Variants in SUSD1 observed in about 807,000 individuals in gnomAD.
SUSD1 encodes sushi domain containing 1.
In SUSD1, 65 loss-of-function variants were observed where a neutral mutation model predicts 86.9. The observed-to-expected ratio is 0.75, with a 90% CI of 0.61 to 0.92. SUSD1 has a LOEUF of 0.92. Among genes scored for constraint, SUSD1 ranks in the 40% least tolerant of loss-of-function variants. The probability of loss-of-function intolerance (pLI) is 0.00; values close to 1 mark genes in which losing one functional copy is unlikely to be tolerated. For missense variants in SUSD1, 850 were observed against 929.7 expected, an observed-to-expected ratio of 0.91 and a Z score of 1.11; for synonymous variants, 346 against 350.0, an observed-to-expected ratio of 0.99 and a Z score of 0.13.
intron 15 of SUSD1, chr9:112,052,184 A>G: frequency 6.7e-7 from 1 of 1,484,102 alleles, no homozygotes; most frequent in African/African-American, 1.4e-5. Context: ...CAGTTCCTGG[A>G]GCCTTCTTGG....
chr9:112,165,746 A>G (rs1263188686), intron 1 of SUSD1, among the ~76,000 whole-genome samples: 1 of 151,462 alleles, frequency 6.6e-6, no homozygotes, highest in Non-Finnish European at 1.5e-5. Flanking sequence ...TTAATGACCC[A>G]TTAAGAATCA....
At chr9:112,100,857 G>GACACAC (rs5899985) in intron 9 of SUSD1, among the ~76,000 whole-genome samples, 2,152 of 140,474 alleles carry the variant, frequency 0.015, 43 homozygotes, top group African/African-American at 0.044. Flanking sequence ...ATTGTACCTG[G>GACACAC]ACACACACAC....
intron 14 of SUSD1, 38 bp from the exon 15 acceptor site, chr9:112,052,476 GCA>G: frequency 6.2e-7 from 1 of 1,611,522 alleles, no homozygotes; most frequent in Non-Finnish European, 8.5e-7. Flanking sequence ...TAGCTAGGTG[GCA>G]CACAGTGTCA....
At chr9:112,080,817 A>G (rs1219295848) in intron 10 of SUSD1, among the ~76,000 whole-genome samples, 3 of 152,254 alleles carry the variant, frequency 2.0e-5, no homozygotes, top group African/African-American at 7.2e-5. Flanking sequence ...ATTTATACAA[A>G]TAAGTGTCGG....
At chr9:112,080,466 T>C (rs143749208) in intron 10 of SUSD1, among the ~76,000 whole-genome samples, 78 of 152,222 alleles carry the variant, frequency 5.1e-4, no homozygotes, top group African/African-American at 1.8e-3. Flanking sequence ...GGCAGGCAGA[T>C]CACTTGAGGC....
intron 10 of SUSD1, among the ~76,000 whole-genome samples, chr9:112,089,231 C>T (rs2131584707): frequency 6.6e-6 from 1 of 152,158 alleles, no homozygotes; most frequent in South Asian, 2.1e-4. Context: ...AAATGTAAAC[C>T]TTCCTTTAAA....
intron 2 of SUSD1, 31 bp from the exon 3 acceptor site, chr9:112,149,430 G>C (rs1377247314): frequency 1.2e-6 from 2 of 1,608,818 alleles, no homozygotes; most frequent in Admixed American, 3.4e-5. Flanking sequence ...CACCGGAAGA[G>C]CTATCAATCC....
intron 5 of SUSD1, among the ~76,000 whole-genome samples, chr9:112,139,568 C>T (rs186583504): frequency 6.6e-6 from 1 of 152,178 alleles, no homozygotes; most frequent in Non-Finnish European, 1.5e-5. Context: ...CCTCAGCCTC[C>T]CAAGTAGCTG....
At chr9:112,134,030 G>A (rs1394534885) in intron 5 of SUSD1, among the ~76,000 whole-genome samples, 1 of 152,048 alleles carries the variant, frequency 6.6e-6, no homozygotes, top group East Asian at 1.9e-4. Context: ...TCTCACACCA[G>A]TCAGAATGGC....
chr9:112,066,016 T>C (rs989538664), intron 12 of SUSD1, among the ~76,000 whole-genome samples: 3 of 152,210 alleles, frequency 2.0e-5, no homozygotes, highest in African/African-American at 7.2e-5. Context: ...CAATCATCTC[T>C]ATCTTATCAG....
Position 112,102,298 on chromosome 9 carries a change from A to G in SUSD1, c.1172-13T>C. 1 of 1,467,362 alleles carries G rather than the reference A, an allele frequency of 6.8e-7. No homozygotes were observed. The highest frequency in any genetic ancestry group is 1.2e-5 in the South Asian group (1 of 81,416). The allele number at this position is 1,467,362 out of a possible 1,614,324, so 90.9% of individuals were successfully genotyped here. Reference sequence around the variant, plus strand: ...AAGAGATCAACTTCTAAAAGACAAGAGAGAGAGTTATAGACAGCTTGCACC... The same window carrying G: ...AAGAGATCAACTTCTAAAAGACAAGGGAGAGAGTTATAGACAGCTTGCACC... On this transcript the variant is annotated splice_polypyrimidine_tract_variant and intron_variant, in intron 8 of 16. Coordinates refer to ENST00000374270, the MANE Select transcript of SUSD1 (RefSeq NM_022486.5).
intron 12 of SUSD1, among the ~76,000 whole-genome samples, chr9:112,077,952 C>T (rs1440748144): frequency 6.6e-6 from 1 of 152,146 alleles, no homozygotes; most frequent in Non-Finnish European, 1.5e-5. Flanking sequence ...GATGGACACA[C>T]TACCCACATT....
At position 112,143,490 on chromosome 9, in the gene SUSD1, G is replaced by T; in HGVS notation, c.507C>A (p.Thr169=). Residue 169 remains threonine (T), a synonymous_variant, in exon 4 of 17, where the codon ACC becomes ACA. Coordinates refer to ENST00000374270, the MANE Select transcript of SUSD1 (RefSeq NM_022486.5). ...RNGPEPFHPT[T]DATSCTEIDC... is the part of the protein sequence containing the mutation. ...ACCCACCTGTGCATGATGTGGCATC[G>T]GTGGTCGGGTGGAAAGGTTCAGGTC... is the stretch of plus-strand genomic sequence containing the variant. 6.2e-7 allele frequency: 1 copy of T among 1,613,364 alleles called. No homozygotes were observed. Among genetic ancestry groups the T allele is most frequent in the Non-Finnish European group, 8.5e-7 (1 of 1,179,790 alleles).
In SUSD1 at chr9:112,113,794, C is replaced by T. The variant is rs577501556; in HGVS notation, c.887-926G>A. On this transcript the variant is annotated intron_variant, in intron 6 of 16. Transcript: ENST00000374270. This position sits in a 1 kb window ranked among gnomAD's most constrained non-coding sequence, Gnocchi z 4.1. ...TAAAAATACAAAACTTAGCGGTGCA[C>T]GGTGGCACATGCCTGTAATCTCAAC... Among the ~76,000 whole-genome samples the T allele has an allele frequency of 4.0e-4, 61 of 152,024 alleles. 1 individual carries two copies. In the South Asian group the frequency reaches 9.2e-3, roughly 23 times the overall value.
At chr9:112,063,061 G>C (rs922402922) in intron 12 of SUSD1, 28 bp from the exon 13 acceptor site, 18 of 1,414,262 alleles carry the variant, frequency 1.3e-5, no homozygotes, top group African/African-American at 7.1e-5. Context: ...AGAAGAAAAG[G>C]GGTATGATTG....
chr9:112,096,105 T>C (rs1262404840), intron 10 of SUSD1, among the ~76,000 whole-genome samples: 1 of 152,158 alleles, frequency 6.6e-6, no homozygotes, highest in Non-Finnish European at 1.5e-5. Flanking sequence ...CTTGGTAACC[T>C]ACAGAGGCTG....
At chr9:112,079,495 T>C (rs1311317358) in intron 11 of SUSD1, among the ~76,000 whole-genome samples, 2 of 152,172 alleles carry the variant, frequency 1.3e-5, no homozygotes, top group Non-Finnish European at 2.9e-5. Context: ...TCCTGCCAGC[T>C]TCTGGTGACC....
Position 112,078,538 on chromosome 9 carries a change from C to T in SUSD1, c.1753G>A (p.Glu585Lys). 2.5e-6 allele frequency: 4 copies of T among 1,605,054 alleles called. No individual in the cohort carries two copies. Among genetic ancestry groups the T allele is most frequent in the Non-Finnish European group, 3.4e-6 (4 of 1,172,740 alleles). The change falls in exon 12 of 17, where the codon GAG becomes AAG. Residue 585 changes from glutamate to lysine, a missense_variant and splice_region_variant. Physicochemically the swap from Glu to Lys is moderately conservative, Grantham distance 56. Coordinates refer to ENST00000374270, the MANE Select transcript of SUSD1 (RefSeq NM_022486.5). ...CCAAATGCTGTTATTCAAGATTTAC[C>T]TGTTATCTGGGTTGTCAGGGAGATG... ...VVISLTTQIT[E>K]PPLPEVEFFT...
rs1159086877 is a variant in SUSD1, at chr9:112,165,914, G to GAA, written c.104-8303_104-8302dup. Among the ~76,000 whole-genome samples the GAA allele has an allele frequency of 4.2e-3, 304 of 72,978 alleles. 1 individual carries two copies. Among genetic ancestry groups the GAA allele is most frequent in the African/African-American group, 0.017 (265 of 15,394 alleles). The allele number at this position is 72,978 out of a possible 152,430, so 47.9% of individuals were successfully genotyped here. On this transcript the variant is annotated intron_variant, in intron 1 of 16. Coordinates refer to ENST00000374270, the MANE Select transcript of SUSD1 (RefSeq NM_022486.5). ...GAAAGAAAGAAAGGAAGGAAGGAAG[G>GAA]AAGAAAGAAAAGAAAGAAAGAAAGA...
Sources: allele counts gnomAD v4.1 joint callset (sites outside exome capture counted in the v4.1 genomes callset), GRCh38; gene constraint gnomAD v4.1.1; non-coding constraint Gnocchi (gnomAD v3.1); transcripts MANE v1.5; gene names NCBI Gene and HGNC (gene_info 2026-07-23, HGNC 2026-07-21).